Variants in SIPA1L3 observed in about 807,000 individuals in gnomAD.
SIPA1L3 encodes signal-induced proliferation-associated 1-like protein 3.
SIPA1L3 carries 59 observed loss-of-function variants against 150.1 expected under a neutral mutation model. That is an observed-to-expected ratio of 0.39 (90% confidence interval 0.32 to 0.49). The LOEUF (loss-of-function observed/expected upper bound fraction) is 0.49, where lower values mean the gene tolerates loss of function less well. SIPA1L3 is among the 20% of genes least tolerant of loss of function. The pLI, the probability that SIPA1L3 is intolerant of heterozygous loss-of-function variation, is 0.86. For synonymous variants in SIPA1L3, 1,070 were observed against 1,077.6 expected (o/e 0.99, Z 0.14); for missense variants, 2,211 against 2,489.5 (o/e 0.89, Z 2.38).
At chr19:37,974,063 C>T (rs1285649599) in intron 1 of SIPA1L3, among the ~76,000 whole-genome samples, 1 of 152,148 alleles carries the variant, frequency 6.6e-6, no homozygotes, top group African/African-American at 2.4e-5. Flanking sequence ...GTTGTAAAGG[C>T]TGAAGGGTCA....
At chr19:38,148,637 G>C (rs1971751636) in intron 12 of SIPA1L3, among the ~76,000 whole-genome samples, 1 of 152,140 alleles carries the variant, frequency 6.6e-6, no homozygotes, top group African/African-American at 2.4e-5. Flanking sequence ...GACAGAGCGG[G>C]CTGGAGCTCT....
chr19:37,939,840 G>C (rs552097903), intron 1 of SIPA1L3, among the ~76,000 whole-genome samples: 1 of 152,186 alleles, frequency 6.6e-6, no homozygotes, highest in African/African-American at 2.4e-5. Flanking sequence ...GTAGGCAGCC[G>C]GTAATGTCAC....
At chr19:37,928,574 G>A (rs140729312) in intron 1 of SIPA1L3, among the ~76,000 whole-genome samples, 1 of 152,052 alleles carries the variant, frequency 6.6e-6, no homozygotes, top group East Asian at 1.9e-4. Flanking sequence ...GTGAGACTCC[G>A]TCTCAAAAAA....
At chr19:38,127,783 A>G (rs895052395) in intron 9 of SIPA1L3, among the ~76,000 whole-genome samples, 5 of 152,154 alleles carry the variant, frequency 3.3e-5, no homozygotes, top group Admixed American at 1.3e-4. Context: ...TACAGAGATT[A>G]CAGGTGTGAG....
intron 1 of SIPA1L3, among the ~76,000 whole-genome samples, chr19:37,932,114 T>C (rs8111400): frequency 0.83 from 126,160 of 152,232 alleles, 52,959 homozygotes; most frequent in African/African-American, 0.96. Context: ...TGTGAGCTAG[T>C]GCCTCCTCTG....
chr19:38,113,445 T>C (rs1426335319), intron 8 of SIPA1L3, among the ~76,000 whole-genome samples: 1 of 151,914 alleles, frequency 6.6e-6, no homozygotes, highest in African/African-American at 2.4e-5. Flanking sequence ...CTGGACAACA[T>C]AGGGAGACCC....
chr19:38,199,503 G>A (rs541638347), intron 19 of SIPA1L3, among the ~76,000 whole-genome samples: 1 of 152,366 alleles, frequency 6.6e-6, no homozygotes, highest in Admixed American at 6.5e-5. Flanking sequence ...AGCTGAGGGA[G>A]CCTGGCTGGT....
At chr19:38,028,062 T>C in intron 1 of SIPA1L3, among the ~76,000 whole-genome samples, 1 of 152,134 alleles carries the variant, frequency 6.6e-6, no homozygotes, top group East Asian at 1.9e-4. Flanking sequence ...AGCTCTCATC[T>C]CCTGACTTAG....
Position 38,119,398 on chromosome 19 carries a change from T to G in SIPA1L3, c.2384T>G (p.Phe795Cys). The change falls in exon 9 of 22, where the codon TTC (phenylalanine) becomes TGC (cysteine). Residue 795 changes from phenylalanine to cysteine, a missense_variant. Around this residue, in one of 5 missense-constraint regions of SIPA1L3, gnomAD observed 625 missense variants for 804.2 expected, o/e 0.78. Coordinates refer to ENST00000222345, the MANE Select transcript of SIPA1L3 (RefSeq NM_015073.3). ...CGCAAATCCGACGTCTTCAGAGACT[T>G]CTTGCTGGCCAAGGTGATTAACGCT... The part of the protein sequence containing the change: ...TFRKSDVFRD[F>C]LLAKVINAEN... 6.2e-7 allele frequency: 1 copy of G among 1,614,150 alleles called. No individual in the cohort carries two copies. The highest frequency in any genetic ancestry group is 8.5e-7 in the Non-Finnish European group (1 of 1,180,016).
intron 1 of SIPA1L3, among the ~76,000 whole-genome samples, chr19:37,948,833 C>T (rs1178704662): frequency 6.6e-6 from 1 of 152,138 alleles, no homozygotes; most frequent in Non-Finnish European, 1.5e-5. Flanking sequence ...AAAGAGGTTG[C>T]CTTTGAGTCA....
At chr19:38,022,125 C>A (rs937007098) in intron 1 of SIPA1L3, among the ~76,000 whole-genome samples, 1 of 152,222 alleles carries the variant, frequency 6.6e-6, no homozygotes, top group African/African-American at 2.4e-5. Flanking sequence ...GTTCAAATCC[C>A]TCCTGGCTGT....
intron 1 of SIPA1L3, among the ~76,000 whole-genome samples, chr19:37,969,236 T>TAA (rs2046931886): frequency 6.9e-6 from 1 of 144,674 alleles, no homozygotes; most frequent in African/African-American, 2.6e-5. Context: ...CCATCTCTGT[T>TAA]AAAAAGAAAA....
chr19:38,085,744 C>T (rs1346845247), intron 3 of SIPA1L3, among the ~76,000 whole-genome samples: 2 of 151,812 alleles, frequency 1.3e-5, no homozygotes, highest in South Asian at 4.2e-4. Context: ...CTGTAATCCC[C>T]GCACTTTGGG....
intron 12 of SIPA1L3, among the ~76,000 whole-genome samples, chr19:38,143,217 C>T (rs1437875405): frequency 6.6e-6 from 1 of 152,138 alleles, no homozygotes; most frequent in Non-Finnish European, 1.5e-5. Flanking sequence ...ATTCAAGGCC[C>T]TTCAGGCTCT....
intron 1 of SIPA1L3, among the ~76,000 whole-genome samples, chr19:37,955,313 C>T (rs1473415813): frequency 6.6e-6 from 1 of 151,790 alleles, no homozygotes; most frequent in Non-Finnish European, 1.5e-5. Flanking sequence ...ATCGCTTGAA[C>T]CTAGGAGGCG....
At chr19:38,205,764 C>A (rs1187368534) in intron 21 of SIPA1L3, among the ~76,000 whole-genome samples, 1 of 152,170 alleles carries the variant, frequency 6.6e-6, no homozygotes, top group Non-Finnish European at 1.5e-5. Context: ...CAGCGACAGT[C>A]CCCAAGTCCT....
At chr19:38,203,903 C>T (rs1401254361) in intron 20 of SIPA1L3, 4 of 547,818 alleles carry the variant, frequency 7.3e-6, no homozygotes, top group Non-Finnish European at 1.3e-5. Flanking sequence ...CTTCCCCTGG[C>T]CTGGTGCTCC....
At chr19:38,125,582 C>T (rs1156484346) in intron 9 of SIPA1L3, among the ~76,000 whole-genome samples, 2 of 152,098 alleles carry the variant, frequency 1.3e-5, no homozygotes, top group African/African-American at 4.8e-5. Context: ...GCTGGGGAAC[C>T]AGTGGGCCAG....
At chr19:37,941,097 C>T (rs1275198421) in intron 1 of SIPA1L3, among the ~76,000 whole-genome samples, 2 of 147,912 alleles carry the variant, frequency 1.4e-5, no homozygotes, top group African/African-American at 5.1e-5. Flanking sequence ...TACACACACA[C>T]ACACACACAC....
Sources: allele counts gnomAD v4.1 joint callset (sites outside exome capture counted in the v4.1 genomes callset), GRCh38; gene constraint gnomAD v4.1.1; regional missense constraint gnomAD v4.1.1; transcripts MANE v1.5; gene names NCBI Gene and HGNC (gene_info 2026-07-23, HGNC 2026-07-21).